NDUFAF6: variants seen among roughly 807,000 people sequenced by gnomAD.
NDUFAF6 encodes the protein NADH dehydrogenase (ubiquinone) complex I, assembly factor 6.
In NDUFAF6, 45 loss-of-function variants were observed where a neutral mutation model predicts 40.8. That is an observed-to-expected ratio of 1.10 (90% CI 0.87 to 1.42). NDUFAF6 has a LOEUF of 1.42. Ranked by LOEUF, NDUFAF6 falls within the 40% of genes most tolerant of loss-of-function variation. The pLI, the probability that NDUFAF6 is intolerant of heterozygous loss-of-function variation, is 0.00. For missense variants in NDUFAF6, 435 were observed against 418.5 expected (o/e 1.04, Z -0.34); for synonymous variants, 185 against 155.9 (o/e 1.19, Z -1.39).
downstream of NDUFAF6, among the ~76,000 whole-genome samples, chr8:95,107,607 A>C (rs1809877676): frequency 6.6e-6 from 1 of 152,180 alleles, no homozygotes; most frequent in Non-Finnish European, 1.5e-5. Flanking sequence ...CTGCACTTGT[A>C]TCCTAGAACT....
intron 4 of NDUFAF6, among the ~76,000 whole-genome samples, chr8:95,111,657 C>CACGATGA (rs1230877947): frequency 3.0e-3 from 458 of 152,242 alleles, no homozygotes; most frequent in Non-Finnish European, 4.7e-3. Flanking sequence ...GCCTGCTCAT[C>CACGATGA]GTGGGCACCA....
chr8:94,911,685 G>A (rs1344996327), intron 1 of NDUFAF6, among the ~76,000 whole-genome samples: 2 of 152,234 alleles, frequency 1.3e-5, no homozygotes, highest in Non-Finnish European at 2.9e-5. Context: ...TAACCCAGCT[G>A]AGAAGCAGGA....
chr8:94,957,593 G>A (rs553759665), upstream of NDUFAF6, among the ~76,000 whole-genome samples: 14 of 152,298 alleles, frequency 9.2e-5, no homozygotes, highest in Admixed American at 6.5e-4. Context: ...GAACAGTGAG[G>A]TGGCTTCTAG....
chr8:94,956,965 G>A (rs186158160), upstream of NDUFAF6, among the ~76,000 whole-genome samples: 71 of 152,242 alleles, frequency 4.7e-4, no homozygotes, highest in African/African-American at 1.7e-3. Flanking sequence ...GAGGTCAGGA[G>A]TTCGAGACCA....
At chr8:94,912,318 C>T (rs1176756610) in intron 1 of NDUFAF6, among the ~76,000 whole-genome samples, 2 of 152,172 alleles carry the variant, frequency 1.3e-5, no homozygotes, top group Non-Finnish European at 1.5e-5. Context: ...ATCTTTGCGG[C>T]CTGATGAGTT....
At chr8:95,114,819 A>G (rs1271168529) in intron 4 of NDUFAF6, among the ~76,000 whole-genome samples, 1 of 152,216 alleles carries the variant, frequency 6.6e-6, no homozygotes, top group East Asian at 1.9e-4. Context: ...GGACTTTGAT[A>G]CCAGTGCTTC....
rs559318786 is a variant in NDUFAF6 at position 95,091,838 on chromosome 8, G to C, written n.214-9294G>C. On this transcript the variant is annotated intron_variant and non_coding_transcript_variant, in intron 2 of 5. Coordinates refer to the NDUFAF6 transcript ENST00000523184. ...TTTTTTTTGTAGAGACAGGGATCTC[G>C]TATGTTGCCCAGGCTGGTCTCAAAC... 5.5e-5 allele frequency among the ~76,000 whole-genome samples: 8 copies of C among 144,158 alleles called. 1 individual carries two copies. In the South Asian group the frequency reaches 1.8e-3, roughly 33 times the overall value. 94.6% of individuals were successfully genotyped at this position (144,158 alleles called of 152,430 possible).
chr8:94,947,453 G>A (rs566344304), intron 2 of NDUFAF6, among the ~76,000 whole-genome samples: 200 of 152,164 alleles, frequency 1.3e-3, no homozygotes, highest in Admixed American at 2.9e-3. Context: ...CTTTAAAAAC[G>A]TGCAGATTCT....
chr8:95,052,182 C>T lies in NDUFAF6; in HGVS notation c.825C>T (p.Ser275=), dbSNP rs1008965589. The T allele has an allele frequency of 6.2e-7, 1 of 1,613,982 alleles. No individual in the cohort carries two copies. Among genetic ancestry groups the T allele is most frequent in the South Asian group, 1.1e-5 (1 of 91,082 alleles). Residue 275 remains serine (S), a synonymous_variant, in exon 8 of 9, where the codon TCC becomes TCT. Transcript: ENST00000396124. ...CTCCTCTTCCTTTTTAGGCTAGGTC[C>T]TTTCACAAAACTGTTCCTGTGAAAG... ...QAHLHLKHAR[S]FHKTVPVKAF...
chr8:95,046,915 G>A (rs1463391475), intron 5 of NDUFAF6, 79 bp from the exon 6 acceptor site: 3 of 1,583,586 alleles, frequency 1.9e-6, no homozygotes, highest in African/African-American at 1.3e-5. Flanking sequence ...TACATGTTTA[G>A]GTTATTTCTC....
At chr8:94,955,723 C>T (rs1435849553), upstream of NDUFAF6, among the ~76,000 whole-genome samples, 1 of 152,190 alleles carries the variant, frequency 6.6e-6, no homozygotes, top group Non-Finnish European at 1.5e-5. Context: ...CCCCCTCAAA[C>T]CATAAAGTCA....
At chr8:94,902,140 C>T (rs578251471) in intron 1 of NDUFAF6, among the ~76,000 whole-genome samples, 10 of 152,088 alleles carry the variant, frequency 6.6e-5, no homozygotes, top group East Asian at 1.9e-4. Flanking sequence ...AGGTATAGCC[C>T]GGGCGTGGTG....
chr8:94,925,712 A>G (rs2467675), intron 1 of NDUFAF6, among the ~76,000 whole-genome samples: 133,137 of 152,164 alleles, frequency 0.87, 58,343 homozygotes, highest in Admixed American at 0.9. Flanking sequence ...GCTTATTTTC[A>G]TATTTTTAGT....
chr8:95,083,069 C>A (rs1808930517), intron 2 of NDUFAF6, among the ~76,000 whole-genome samples: 1 of 152,214 alleles, frequency 6.6e-6, no homozygotes, highest in Non-Finnish European at 1.5e-5. Context: ...GTGTGAGCCA[C>A]TGCACTTGAC....
intron 2 of NDUFAF6, among the ~76,000 whole-genome samples, chr8:94,946,291 C>G (rs1439845974): frequency 6.6e-6 from 1 of 152,086 alleles, no homozygotes; most frequent in Non-Finnish European, 1.5e-5. Flanking sequence ...CGGGGAAGAG[C>G]ATTCTAGTTT....
At chr8:95,101,129 C>G (rs1809634349) in intron 1 of NDUFAF6, 1 of 152,168 alleles carries the variant, frequency 6.6e-6, no homozygotes, top group African/African-American at 2.4e-5. Context: ...GTGTTCTTAA[C>G]AGGGCAAAGA....
intron 2 of NDUFAF6, among the ~76,000 whole-genome samples, chr8:95,084,878 A>ACTAGGG (rs1489076361): frequency 6.6e-6 from 1 of 152,224 alleles, no homozygotes; most frequent in Non-Finnish European, 1.5e-5. Flanking sequence ...AGGCTGCCTT[A>ACTAGGG]CTTTTATAGC....
chr8:94,903,296 C>G (rs1351853941), intron 1 of NDUFAF6, among the ~76,000 whole-genome samples: 1 of 152,020 alleles, frequency 6.6e-6, no homozygotes, highest in African/African-American at 2.4e-5. Context: ...GAGGTCGAGG[C>G]TGCAGTGAGC....
At chr8:95,090,034 G>A (rs139963038) in intron 2 of NDUFAF6, among the ~76,000 whole-genome samples, 4 of 152,156 alleles carry the variant, frequency 2.6e-5, no homozygotes, top group Middle Eastern at 6.8e-3. Flanking sequence ...CACATTTCTG[G>A]CATCCCGGCA....
Sources: gnomAD v4.1 joint callset for allele counts (sites outside exome capture counted in the v4.1 genomes callset) on GRCh38, gnomAD v4.1.1 for gene constraint, MANE v1.5 for transcripts, NCBI Gene and HGNC (gene_info 2026-07-23, HGNC 2026-07-21) for gene names.